STK32B: variants seen among roughly 807,000 people sequenced by gnomAD.
The protein encoded by STK32B is serine/threonine kinase 32B, also known as serine/threonine-protein kinase 32B.
A neutral mutation model predicts 52.6 loss-of-function variants in STK32B; 43 were observed. That is an observed-to-expected ratio of 0.82 (90% CI 0.64 to 1.05). The LOEUF is 1.05. Ranked by LOEUF, STK32B falls within the 50% of genes least tolerant of loss-of-function variation. The pLI, the probability that STK32B is intolerant of heterozygous loss-of-function variation, is 0.00. For missense variants in STK32B, 621 were observed against 534.6 expected (o/e 1.16, Z -1.59); for synonymous variants, 238 against 204.3 (o/e 1.17, Z -1.41).
At chr4:5,364,267 C>A (rs1734727259) in intron 4 of STK32B, among the ~76,000 whole-genome samples, 1 of 152,218 alleles carries the variant, frequency 6.6e-6, no homozygotes, top group East Asian at 1.9e-4. Flanking sequence ...CAAATCAAGC[C>A]AGTTTAAGAA....
intron 3 of STK32B, among the ~76,000 whole-genome samples, chr4:5,199,015 CTG>C (rs1366545615): frequency 2.0e-5 from 3 of 152,028 alleles, no homozygotes; most frequent in African/African-American, 7.3e-5. Flanking sequence ...CCCTTCAGGT[CTG>C]TACTGAAGGT....
At chr4:5,346,350 A>G (rs1733457389) in intron 4 of STK32B, among the ~76,000 whole-genome samples, 2 of 152,194 alleles carry the variant, frequency 1.3e-5, no homozygotes, top group South Asian at 4.1e-4. Context: ...TTTCTCAAAC[A>G]GTGGCTTTAG....
At chr4:5,219,223 A>G (rs1723369757) in intron 3 of STK32B, among the ~76,000 whole-genome samples, 1 of 152,146 alleles carries the variant, frequency 6.6e-6, no homozygotes, top group African/African-American at 2.4e-5. Context: ...AGGAGGGGCC[A>G]CAGTCTTGGG....
At chr4:5,242,770 G>A (rs1041585625) in intron 3 of STK32B, among the ~76,000 whole-genome samples, 1 of 152,152 alleles carries the variant, frequency 6.6e-6, no homozygotes, top group African/African-American at 2.4e-5. Flanking sequence ...TGTAAGGAAG[G>A]GATCCAGTTT....
At chr4:5,300,431 G>C (rs1321436589) in intron 3 of STK32B, among the ~76,000 whole-genome samples, 1 of 152,114 alleles carries the variant, frequency 6.6e-6, no homozygotes, top group Non-Finnish European at 1.5e-5. Flanking sequence ...GTTCCAGCCA[G>C]AGCAATCAGG....
intron 3 of STK32B, among the ~76,000 whole-genome samples, chr4:5,226,201 G>C (rs1350619149): frequency 6.6e-6 from 1 of 152,168 alleles, no homozygotes; most frequent in East Asian, 1.9e-4. Context: ...GAAGCTAATT[G>C]CTGACTAGGG....
intron 1 of STK32B, among the ~76,000 whole-genome samples, chr4:5,120,894 A>G (rs1294313194): frequency 6.6e-6 from 1 of 151,634 alleles, no homozygotes; most frequent in East Asian, 1.9e-4. Flanking sequence ...TTATAAAATT[A>G]TAATATATTT....
intron 11 of STK32B, among the ~76,000 whole-genome samples, chr4:5,498,467 A>G (rs1720469623): frequency 1.3e-5 from 2 of 152,280 alleles, no homozygotes; most frequent in South Asian, 4.1e-4. Flanking sequence ...GAGCTCCTTG[A>G]GGACAAAGAA....
chr4:5,284,409 T>C (rs1728412040), intron 3 of STK32B, among the ~76,000 whole-genome samples: 1 of 152,126 alleles, frequency 6.6e-6, no homozygotes, highest in African/African-American at 2.4e-5. Flanking sequence ...AATACAATGA[T>C]AATAGAAGGC....
chr4:5,177,126 A>G (rs992300344), intron 3 of STK32B, among the ~76,000 whole-genome samples: 5 of 152,210 alleles, frequency 3.3e-5, no homozygotes, highest in African/African-American at 7.2e-5. Flanking sequence ...TTATACTGCT[A>G]TAAAGAACTG....
At chr4:5,324,640 C>T (rs1473809764) in intron 3 of STK32B, among the ~76,000 whole-genome samples, 1 of 152,160 alleles carries the variant, frequency 6.6e-6, no homozygotes, top group Non-Finnish European at 1.5e-5. Context: ...AGCAGCATCC[C>T]TCCAAATTGT....
chr4:5,317,005 AAT>A (rs1341654787), intron 3 of STK32B, among the ~76,000 whole-genome samples: 3 of 25,904 alleles, frequency 1.2e-4, no homozygotes, highest in African/African-American at 3.3e-4. Flanking sequence ...TATAATATAT[AAT>A]ATATATAATA....
chr4:5,448,440 G>T (rs1241449275), intron 7 of STK32B, among the ~76,000 whole-genome samples: 1 of 152,210 alleles, frequency 6.6e-6, no homozygotes, highest in Non-Finnish European at 1.5e-5. Flanking sequence ...GCCAGAGGCT[G>T]TTAATCTTAT....
chr4:5,050,411 T>TTTTTG (rs544173752), upstream of STK32B, among the ~76,000 whole-genome samples: 1,684 of 116,126 alleles, frequency 0.015, 20 homozygotes, highest in African/African-American at 0.036. Flanking sequence ...TTTAAGAGAT[T>TTTTTG]TTTTGTTTTG....
rs1374462094 is a variant in STK32B at position 5,470,676 on chromosome 4, C to T, written c.1106+2606C>T. Among the ~76,000 whole-genome samples the T allele has an allele frequency of 6.6e-6, 1 of 152,142 alleles. No individual in the cohort carries two copies. The highest frequency in any genetic ancestry group is 1.9e-4 in the East Asian group (1 of 5,186). On this transcript the variant is annotated intron_variant, in intron 11 of 11. Coordinates refer to ENST00000282908, the MANE Select transcript of STK32B (RefSeq NM_018401.3). The surrounding 1 kb of genome is among the most constrained non-coding windows in gnomAD (Gnocchi z 4.6). ...AGCCATGCTCCATCTACCCACAGTC[C>T]TCCCTTGCTGCAGTTTCTCAGCAGT...
rs146185911 is a variant in STK32B at position 5,093,778 on chromosome 4, A to T, written c.52+41863A>T. On this transcript the variant is annotated intron_variant, in intron 1 of 11. Transcript: ENST00000282908. ...CAGTTTGTTGCCCCTCTAAATGTGT[A>T]TCACCTGTGAATAGTGATCTCTTGT... 3.8e-3 allele frequency among the ~76,000 whole-genome samples: 580 copies of T among 152,324 alleles called. 6 individuals are homozygous for T. Among genetic ancestry groups the T allele is most frequent in the African/African-American group, 0.013 (558 of 41,570 alleles).
intron 4 of STK32B, among the ~76,000 whole-genome samples, chr4:5,374,522 C>T (rs1335000618): frequency 6.6e-6 from 1 of 152,160 alleles, no homozygotes; most frequent in Non-Finnish European, 1.5e-5. Context: ...CAACAGAAAT[C>T]TATTTCTCAC....
At chr4:5,448,137 T>G (rs1226824385) in intron 7 of STK32B, among the ~76,000 whole-genome samples, 3 of 152,244 alleles carry the variant, frequency 2.0e-5, no homozygotes, top group Non-Finnish European at 4.4e-5. Context: ...ACCCTGTAGT[T>G]AAGCAACAAT....
intron 2 of STK32B, among the ~76,000 whole-genome samples, chr4:5,153,007 T>C (rs996105588): frequency 3.3e-5 from 5 of 152,228 alleles, no homozygotes; most frequent in African/African-American, 1.2e-4. Flanking sequence ...CCCAGTATGA[T>C]GGATGTTATT....
Sources: allele counts gnomAD v4.1 joint callset (sites outside exome capture counted in the v4.1 genomes callset), GRCh38; gene constraint gnomAD v4.1.1; non-coding constraint Gnocchi (gnomAD v3.1); transcripts MANE v1.5; gene names NCBI Gene and HGNC (gene_info 2026-07-23, HGNC 2026-07-21).